TTC27: variants seen among roughly 807,000 people sequenced by gnomAD.
TTC27 encodes tetratricopeptide repeat domain 27, also known as tetratricopeptide repeat protein 27.
Under a neutral mutation model 115.9 loss-of-function variants are expected in TTC27, and 79 were observed. That is an observed-to-expected ratio of 0.68 (90% CI 0.57 to 0.82). The LOEUF (loss-of-function observed/expected upper bound fraction) is 0.82. Among genes scored for constraint, TTC27 ranks in the 40% least tolerant of loss-of-function variants. The pLI is 0.00. For synonymous variants in TTC27, 401 were observed against 356.0 expected, an observed-to-expected ratio of 1.13 and a Z score of -1.42; for missense variants, 1,054 against 993.1, an observed-to-expected ratio of 1.06 and a Z score of -0.82.
chr2:32,797,593 T>G (rs745502788), intron 16 of TTC27, among the ~76,000 whole-genome samples: 4 of 152,184 alleles, frequency 2.6e-5, no homozygotes, highest in Non-Finnish European at 4.4e-5. Context: ...TACCTAACAC[T>G]GTATACACAT....
At chr2:32,758,211 A>T in intron 12 of TTC27, 81 bp from the exon 13 acceptor site, 1 of 1,263,754 alleles carries the variant, frequency 7.9e-7, no homozygotes, top group East Asian at 2.3e-5. Context: ...GGATTGTGTG[A>T]GATTAAAGAT....
At chr2:32,762,761 C>A (rs904472806) in intron 13 of TTC27, among the ~76,000 whole-genome samples, 1 of 152,142 alleles carries the variant, frequency 6.6e-6, no homozygotes, top group Non-Finnish European at 1.5e-5. Context: ...CCTGCCTCAG[C>A]CTTCCAAGTA....
intron 16 of TTC27, among the ~76,000 whole-genome samples, chr2:32,796,876 A>G (rs1344000603): frequency 6.6e-6 from 1 of 151,952 alleles, no homozygotes; most frequent in East Asian, 1.9e-4. Flanking sequence ...TTCTTTTTTT[A>G]AGAGACAGTG....
At chr2:32,819,377 G>A (rs763501269) in intron 19 of TTC27, among the ~76,000 whole-genome samples, 6 of 152,068 alleles carry the variant, frequency 3.9e-5, no homozygotes, top group Admixed American at 2.0e-4. Context: ...TGCCTCCTCT[G>A]AAGCATATTT....
chr2:32,639,129 G>A (rs957913499), intron 3 of TTC27, among the ~76,000 whole-genome samples: 1 of 152,208 alleles, frequency 6.6e-6, no homozygotes, highest in Non-Finnish European at 1.5e-5. Context: ...ACCGTGCCCG[G>A]CCCAGTTATT....
intron 10 of TTC27, among the ~76,000 whole-genome samples, chr2:32,719,051 C>G (rs1354366022): frequency 6.6e-6 from 1 of 152,128 alleles, no homozygotes; most frequent in Non-Finnish European, 1.5e-5. Context: ...ATCAAGATCC[C>G]AAGTGAAGAA....
At chr2:32,811,349 C>A in intron 17 of TTC27, 128 bp downstream of exon 17, 1 of 859,124 alleles carries the variant, frequency 1.2e-6, no homozygotes, top group Non-Finnish European at 1.8e-6. Context: ...AAGTTCAGTT[C>A]TGATTCAGTC....
chr2:32,637,418 G>A (rs559930432), intron 3 of TTC27, among the ~76,000 whole-genome samples: 2 of 151,840 alleles, frequency 1.3e-5, no homozygotes, highest in Admixed American at 6.6e-5. Flanking sequence ...TGCAACCTCC[G>A]CCTCCCGGGT....
intron 5 of TTC27, among the ~76,000 whole-genome samples, chr2:32,659,355 C>CTTT (rs78014491): frequency 8.5e-5 from 10 of 118,244 alleles, no homozygotes; most frequent in African/African-American, 1.6e-4. Context: ...GGTGTTACCT[C>CTTT]TTTTTTTTTT....
chr2:32,662,119 A>G (rs546614897), intron 5 of TTC27, among the ~76,000 whole-genome samples: 3 of 152,252 alleles, frequency 2.0e-5, no homozygotes, highest in South Asian at 2.1e-4. Flanking sequence ...GATGAAGCCA[A>G]CTTCATTGTG....
chr2:32,702,109 C>T (rs1667207904), intron 9 of TTC27, among the ~76,000 whole-genome samples: 1 of 152,020 alleles, frequency 6.6e-6, no homozygotes, highest in Non-Finnish European at 1.5e-5. Flanking sequence ...TACCAAGCTT[C>T]CCAGGTACTT....
intron 10 of TTC27, among the ~76,000 whole-genome samples, chr2:32,711,427 C>G (rs529621995): frequency 6.6e-6 from 1 of 152,312 alleles, no homozygotes; most frequent in South Asian, 2.1e-4. Flanking sequence ...AATGTTGAGG[C>G]ATTTAGCTCA....
chr2:32,725,661 T>C (rs1000874962), intron 10 of TTC27, among the ~76,000 whole-genome samples: 6 of 152,180 alleles, frequency 3.9e-5, no homozygotes, highest in Non-Finnish European at 8.8e-5. Flanking sequence ...CGGTGCAAGA[T>C]GTCAGCGGAT....
intron 9 of TTC27, among the ~76,000 whole-genome samples, chr2:32,689,737 A>G (rs574292024): frequency 1.3e-5 from 2 of 152,298 alleles, no homozygotes; most frequent in South Asian, 4.1e-4. Context: ...TTTGTGATTG[A>G]GAGTCAACAG....
At chr2:32,739,316 T>C (rs1668549528) in intron 12 of TTC27, among the ~76,000 whole-genome samples, 1 of 152,210 alleles carries the variant, frequency 6.6e-6, no homozygotes, top group Admixed American at 6.5e-5. Flanking sequence ...AGCAAGTTGG[T>C]AAATCACAAA....
chr2:32,765,176 C>A (rs1176248829), intron 13 of TTC27, among the ~76,000 whole-genome samples: 1 of 152,122 alleles, frequency 6.6e-6, no homozygotes, highest in Non-Finnish European at 1.5e-5. Context: ...TGGCTATATA[C>A]CCTTGTGAAA....
At chr2:32,820,443 A>G (rs992459653) in intron 19 of TTC27, among the ~76,000 whole-genome samples, 1 of 152,232 alleles carries the variant, frequency 6.6e-6, no homozygotes, top group Non-Finnish European at 1.5e-5. Context: ...TATGATTTAT[A>G]TGAATTTGAA....
rs1664310695 is a variant in TTC27 at position 32,633,870 on chromosome 2, A to G, written c.267-6A>G. The G allele has an allele frequency of 2.5e-6, 4 of 1,612,926 alleles. No homozygotes were observed. Among genetic ancestry groups the G allele is most frequent in the Admixed American group, 1.7e-5 (1 of 59,848 alleles). ...TATTTATTTCTTTAACCATTCTTAT[A>G]TGCAGACAACAGTTGATATTTCTAC... On this transcript the variant is annotated splice_polypyrimidine_tract_variant and splice_region_variant and intron_variant, in intron 2 of 19. Coordinates refer to ENST00000317907, the MANE Select transcript of TTC27 (RefSeq NM_017735.5).
intron 12 of TTC27, among the ~76,000 whole-genome samples, chr2:32,755,400 G>A (rs1387653601): frequency 6.6e-6 from 1 of 152,212 alleles, no homozygotes; most frequent in African/African-American, 2.4e-5. Flanking sequence ...GGCCAACACA[G>A]CGAAACCCCG....
Sources: allele counts gnomAD v4.1 joint callset (sites outside exome capture counted in the v4.1 genomes callset), GRCh38; gene constraint gnomAD v4.1.1; transcripts MANE v1.5; gene names NCBI Gene and HGNC (gene_info 2026-07-23, HGNC 2026-07-21).